The following PRIM2 variants were observed in gnomAD, a reference collection of about 807,000 sequenced individuals.
PRIM2 encodes the protein DNA primase subunit 2.
A neutral mutation model predicts 67.3 loss-of-function variants in PRIM2; 39 were observed. The observed-to-expected ratio is 0.58, with a 90% CI of 0.45 to 0.76. PRIM2 has a LOEUF of 0.76. Among genes scored for constraint, PRIM2 ranks in the 30% least tolerant of loss-of-function variants. PRIM2 has a pLI of 0.00. For synonymous variants in PRIM2, 143 were observed against 198.7 expected, an observed-to-expected ratio of 0.72 and a Z score of 2.36; for missense variants, 398 against 598.7, an observed-to-expected ratio of 0.66 and a Z score of 3.50.
chr6:57,641,434 T>C (rs1258431081), intron 13 of PRIM2, among the ~76,000 whole-genome samples: 3 of 152,108 alleles, frequency 2.0e-5, no homozygotes, highest in Non-Finnish European at 4.4e-5. Flanking sequence ...AAAGAAACTA[T>C]CATCAGAGTG....
At chr6:57,643,681 T>C (rs1777286557) in intron 13 of PRIM2, among the ~76,000 whole-genome samples, 1 of 152,182 alleles carries the variant, frequency 6.6e-6, no homozygotes, top group Admixed American at 6.5e-5. Context: ...TTGAATGTAA[T>C]AAAAAAGTTC....
intron 8 of PRIM2, among the ~76,000 whole-genome samples, chr6:57,507,734 CA>C (rs1774279566): frequency 6.6e-6 from 1 of 151,958 alleles, no homozygotes. Flanking sequence ...AGAAAGATCT[CA>C]AATGAATGAG....
intron 7 of PRIM2, among the ~76,000 whole-genome samples, chr6:57,422,516 T>G (rs141614096): frequency 6.6e-6 from 1 of 152,284 alleles, no homozygotes; most frequent in East Asian, 1.9e-4. Flanking sequence ...AACTTTTAAT[T>G]AATGGAATAT....
chr6:57,440,959 G>C (rs1772185714), intron 7 of PRIM2, among the ~76,000 whole-genome samples: 1 of 152,092 alleles, frequency 6.6e-6, no homozygotes, highest in Admixed American at 6.5e-5. Context: ...AACAGTATCA[G>C]ATCCTCTCAT....
the PRIM2 span, among the ~76,000 whole-genome samples, chr6:57,297,107 T>TA: frequency 6.6e-6 from 1 of 152,186 alleles, no homozygotes; most frequent in Non-Finnish European, 1.5e-5. Context: ...CTCTTTTTTT[T>TA]AACAGTAGAA....
intron 10 of PRIM2, among the ~76,000 whole-genome samples, chr6:57,577,602 T>G (rs1775987348): frequency 6.6e-6 from 1 of 152,078 alleles, no homozygotes; most frequent in Non-Finnish European, 1.5e-5. Context: ...CTAATTTTTG[T>G]GTTTTTAGTA....
At chr6:57,528,311 A>G (rs1162252722) in intron 8 of PRIM2, among the ~76,000 whole-genome samples, 3 of 150,792 alleles carry the variant, frequency 2.0e-5, no homozygotes, top group African/African-American at 7.3e-5. Flanking sequence ...GTTTAAGTCT[A>G]CTTATATTCT....
chr6:57,288,550 C>T, the PRIM2 span, among the ~76,000 whole-genome samples: 28 of 152,252 alleles, frequency 1.8e-4, no homozygotes, highest in Non-Finnish European at 3.1e-4. Context: ...ATAGGGGCAA[C>T]AGACACCTCA....
chr6:57,522,914 A>G (rs1352653115), intron 8 of PRIM2, among the ~76,000 whole-genome samples: 67 of 152,230 alleles, frequency 4.4e-4, no homozygotes, highest in African/African-American at 1.6e-3. Context: ...AAAAATGTGA[A>G]TATAGACTAT....
At chr6:57,392,123 C>A (rs1770372350) in intron 7 of PRIM2, among the ~76,000 whole-genome samples, 1 of 151,972 alleles carries the variant, frequency 6.6e-6, no homozygotes, top group South Asian at 2.1e-4. Flanking sequence ...GTATTTTATT[C>A]TTTTTGTGGC....
At chr6:57,477,083 T>C (rs2127404238) in intron 7 of PRIM2, among the ~76,000 whole-genome samples, 1 of 152,260 alleles carries the variant, frequency 6.6e-6, no homozygotes, top group South Asian at 2.1e-4. Flanking sequence ...TTCAACCTCC[T>C]GGGCTTCATC....
the PRIM2 span, among the ~76,000 whole-genome samples, chr6:57,235,970 C>T: frequency 6.6e-6 from 1 of 152,164 alleles, no homozygotes; most frequent in African/African-American, 2.4e-5. Flanking sequence ...AAAGAACCAA[C>T]CCTACTTCCA....
intron 7 of PRIM2, among the ~76,000 whole-genome samples, chr6:57,437,308 G>T (rs566245671): frequency 6.6e-6 from 1 of 152,330 alleles, no homozygotes; most frequent in Admixed American, 6.5e-5. Context: ...CTACAGTTTG[G>T]CATGAGAGTT....
At chr6:57,613,873 CAG>C (rs1776707345) in intron 12 of PRIM2, among the ~76,000 whole-genome samples, 3 of 151,980 alleles carry the variant, frequency 2.0e-5, no homozygotes, top group Non-Finnish European at 4.4e-5. Context: ...TTTTTTGAGA[CAG>C]AGTTTCGCTC....
At chr6:57,423,628 G>A (rs1771530763) in intron 7 of PRIM2, among the ~76,000 whole-genome samples, 2 of 152,118 alleles carry the variant, frequency 1.3e-5, no homozygotes, top group Non-Finnish European at 2.9e-5. Context: ...ACTAAGACGT[G>A]GTCATTGTTA....
At position 57,452,442 on chromosome 6, in the gene PRIM2, T is replaced by C. The variant is rs1394816277; in HGVS notation, c.694-54945T>C. 3.3e-5 allele frequency among the ~76,000 whole-genome samples: 5 copies of C among 152,184 alleles called. 1 individual carries two copies. Among genetic ancestry groups the C allele is most frequent in the East Asian group, 3.9e-4 (2 of 5,188 alleles). On this transcript the variant is annotated intron_variant, in intron 7 of 13. Transcript: ENST00000615550. ...CTATTTCTCCACATCCTCTCCAGCA[T>C]CTGTTGTCTCCTGACTTTTTAATGA...
intron 7 of PRIM2, among the ~76,000 whole-genome samples, chr6:57,414,003 G>C (rs1490246006): frequency 6.6e-6 from 1 of 152,052 alleles, no homozygotes; most frequent in Non-Finnish European, 1.5e-5. Context: ...GTAAAGTTAG[G>C]GGTACTTGCT....
the PRIM2 span, among the ~76,000 whole-genome samples, chr6:57,276,034 G>A: frequency 1.3e-5 from 2 of 152,130 alleles, no homozygotes; most frequent in Non-Finnish European, 2.9e-5. Context: ...ATATAGAACT[G>A]AACAAAGAAA....
At chr6:57,268,879 C>T in the PRIM2 span, among the ~76,000 whole-genome samples, 40 of 147,860 alleles carry the variant, frequency 2.7e-4, no homozygotes, top group Non-Finnish European at 3.9e-4. Flanking sequence ...TGAGAACATG[C>T]GGTGTTTGGT....
Sources: gnomAD v4.1 joint callset for allele counts (sites outside exome capture counted in the v4.1 genomes callset) on GRCh38, gnomAD v4.1.1 for gene constraint, MANE v1.5 for transcripts, NCBI Gene and HGNC (gene_info 2026-07-23, HGNC 2026-07-21) for gene names.